The following SPECC1 variants were observed in gnomAD, a reference collection of about 807,000 sequenced individuals.
SPECC1 encodes cytospin-B.
A neutral mutation model predicts 104.1 loss-of-function variants in SPECC1; 62 were observed. The observed-to-expected ratio is 0.60, with a 90% CI of 0.49 to 0.74. The LOEUF (loss-of-function observed/expected upper bound fraction) is 0.74, where lower values mean the gene tolerates loss of function less well. Ranked by LOEUF, SPECC1 falls within the 30% of genes least tolerant of loss-of-function variation. The pLI is 0.00. For missense variants in SPECC1, 1,306 were observed against 1,310.5 expected (o/e 1.00, Z 0.05); for synonymous variants, 513 against 501.6 (o/e 1.02, Z -0.30).
chr17:20,126,295 TC>T, intron 3 of SPECC1: 1 of 152,236 alleles, frequency 6.6e-6, no homozygotes, highest in South Asian at 2.1e-4. Context: ...CTTCATTCCT[TC>T]CTTCCTTTTT....
intron 1 of SPECC1, among the ~76,000 whole-genome samples, chr17:20,052,522 A>G (rs564805397): frequency 3.0e-4 from 45 of 152,304 alleles, no homozygotes; most frequent in African/African-American, 9.9e-4. Flanking sequence ...TGGTTCAAAG[A>G]TACCTTAACG....
chr17:20,225,356 TG>T (rs1293523608), intron 4 of SPECC1, among the ~76,000 whole-genome samples: 1 of 152,236 alleles, frequency 6.6e-6, no homozygotes, highest in African/African-American at 2.4e-5. Context: ...GCAGCCCTTG[TG>T]GCCTAGCCTC....
intron 3 of SPECC1, among the ~76,000 whole-genome samples, chr17:20,189,547 A>G (rs922947550): frequency 1.3e-5 from 2 of 152,078 alleles, no homozygotes; most frequent in Non-Finnish European, 2.9e-5. Context: ...GTCAGACCAT[A>G]CCATTATCTC....
intron 1 of SPECC1, among the ~76,000 whole-genome samples, chr17:20,048,629 A>G (rs887799099): frequency 5.9e-5 from 9 of 151,332 alleles, no homozygotes; most frequent in African/African-American, 2.2e-4. Context: ...TCCCAGGGCC[A>G]GGCGCGGTGG....
intron 3 of SPECC1, among the ~76,000 whole-genome samples, chr17:20,134,252 T>C (rs2049809524): frequency 6.6e-6 from 1 of 151,932 alleles, no homozygotes; most frequent in South Asian, 2.1e-4. Context: ...CCATCATCTC[T>C]GGTAGTAGTG....
chr17:20,254,698 T>G (rs1225345888), intron 10 of SPECC1, among the ~76,000 whole-genome samples: 1 of 151,722 alleles, frequency 6.6e-6, no homozygotes, highest in Non-Finnish European at 1.5e-5. Context: ...AATGGACTGT[T>G]TACTGGTCCC....
intron 2 of SPECC1, among the ~76,000 whole-genome samples, chr17:20,099,720 A>AC (rs376029988): frequency 2.2e-5 from 2 of 91,868 alleles, no homozygotes; most frequent in African/African-American, 5.3e-5. Context: ...AAAAAAAAAA[A>AC]CCCACAAAAT....
chr17:20,166,340 C>G (rs1205832734), intron 3 of SPECC1, among the ~76,000 whole-genome samples: 16 of 152,278 alleles, frequency 1.1e-4, no homozygotes, highest in South Asian at 4.1e-4. Flanking sequence ...ATATATTGAT[C>G]TATTCTAAGG....
intron 12 of SPECC1, among the ~76,000 whole-genome samples, chr17:20,271,442 A>G (rs1439521986): frequency 6.6e-6 from 1 of 151,726 alleles, no homozygotes; most frequent in Non-Finnish European, 1.5e-5. Flanking sequence ...TAGATTAGCC[A>G]TGTAGTAGTA....
chr17:20,155,974 C>T, intron 3 of SPECC1: 1 of 1,262,868 alleles, frequency 7.9e-7, no homozygotes, highest in Non-Finnish European at 1.0e-6. Context: ...GGGGGCGGGC[C>T]GCGAGGGCGG....
intron 12 of SPECC1, among the ~76,000 whole-genome samples, chr17:20,270,562 TGA>T (rs770460326): frequency 6.7e-6 from 1 of 149,218 alleles, no homozygotes; most frequent in African/African-American, 2.5e-5. Flanking sequence ...AAGGCCTCCG[TGA>T]GCTATGATCA....
intron 1 of SPECC1, among the ~76,000 whole-genome samples, chr17:20,075,968 A>C (rs2046744633): frequency 6.6e-6 from 1 of 152,078 alleles, no homozygotes; most frequent in African/African-American, 2.4e-5. Context: ...AATTAAAATA[A>C]GTAAATAAAT....
Position 20,032,912 on chromosome 17 carries a change from GTA to G in SPECC1, c.-22+23490_-22+23491del, listed in dbSNP as rs535107608. 2.7e-3 allele frequency among the ~76,000 whole-genome samples: 403 copies of G among 150,576 alleles called. 1 individual carries two copies. The highest frequency in any genetic ancestry group is 8.5e-3 in the African/African-American group (349 of 40,836). On this transcript the variant is annotated intron_variant, in intron 1 of 14. Coordinates refer to ENST00000395527, the MANE Select transcript of SPECC1 (RefSeq NM_001243439.2). ...TGTGTCTGTATATATGTATATATGT[GTA>G]TGTGTATATACACACACGCGCGCAC...
At chr17:20,244,144 G>C (rs2039323123) in intron 7 of SPECC1, among the ~76,000 whole-genome samples, 1 of 152,046 alleles carries the variant, frequency 6.6e-6, no homozygotes, top group South Asian at 2.1e-4. Flanking sequence ...CATTAGAATC[G>C]CTTGAACCTG....
At chr17:20,196,040 T>A (rs1196699771) in intron 3 of SPECC1, among the ~76,000 whole-genome samples, 2 of 152,184 alleles carry the variant, frequency 1.3e-5, no homozygotes, top group African/African-American at 4.8e-5. Flanking sequence ...ATTTAGCCAA[T>A]GTCCACACAC....
At chr17:20,057,249 G>A (rs535482821) in intron 1 of SPECC1, among the ~76,000 whole-genome samples, 2 of 152,190 alleles carry the variant, frequency 1.3e-5, no homozygotes, top group South Asian at 4.2e-4. Context: ...AGACCATCCT[G>A]GCTAACACGG....
At chr17:20,298,684 T>A (rs1016054554) in intron 13 of SPECC1, among the ~76,000 whole-genome samples, 1 of 151,894 alleles carries the variant, frequency 6.6e-6, no homozygotes, top group Non-Finnish European at 1.5e-5. Flanking sequence ...CTGGATTTAG[T>A]GACAGATTGG....
intron 3 of SPECC1, among the ~76,000 whole-genome samples, chr17:20,190,605 A>G (rs1353500215): frequency 6.6e-6 from 1 of 152,212 alleles, no homozygotes; most frequent in African/African-American, 2.4e-5. Flanking sequence ...AACATCTTCC[A>G]ATCAGTGAAC....
Position 20,110,641 on chromosome 17 carries a change from T to C in SPECC1, c.283+79T>C, listed in dbSNP as rs2152523187. 2.9e-6 allele frequency: 4 copies of C among 1,401,714 alleles called. No homozygotes were observed. The East Asian group carries it at 1.0e-4, about 37-fold the overall frequency. The allele number at this position is 1,401,714 out of a possible 1,614,324, so 86.8% of individuals were successfully genotyped here. A position where few individuals can be genotyped will look rare whatever the true frequency, so the allele number is the denominator to read the frequency against. On this transcript the variant is annotated intron_variant, in intron 3 of 14. Transcript: ENST00000395527. ...AAGCACTTCAGTGACCCATGACCCA[T>C]CCATTCCTTCCCTCGTGAAATATTT... is the stretch of plus-strand genomic sequence containing the variant.
Sources: gnomAD v4.1 joint callset for allele counts (sites outside exome capture counted in the v4.1 genomes callset) on GRCh38, gnomAD v4.1.1 for gene constraint, MANE v1.5 for transcripts, NCBI Gene and HGNC (gene_info 2026-07-23, HGNC 2026-07-21) for gene names.